Variants in SEPTIN10 observed in about 807,000 individuals in gnomAD.
The protein encoded by SEPTIN10 is septin-10.
A neutral mutation model predicts 54.8 loss-of-function variants in SEPTIN10; 66 were observed. That is an observed-to-expected ratio of 1.21 (90% CI 0.99 to 1.48). SEPTIN10 has a LOEUF of 1.48. Ranked by LOEUF, SEPTIN10 falls within the 40% of genes most tolerant of loss-of-function variation. The pLI, the probability that SEPTIN10 is intolerant of heterozygous loss-of-function variation, is 0.00. For synonymous variants in SEPTIN10, 161 were observed against 181.0 expected (o/e 0.89, Z 0.89); for missense variants, 620 against 545.6 (o/e 1.14, Z -1.36).
At chr2:109,578,588 G>A (rs960770377) in intron 4 of SEPTIN10, among the ~76,000 whole-genome samples, 16 of 152,152 alleles carry the variant, frequency 1.1e-4, no homozygotes, top group African/African-American at 3.1e-4. Flanking sequence ...CCAACAGGGC[G>A]AAACCCCATC....
intron 8 of SEPTIN10, among the ~76,000 whole-genome samples, chr2:109,561,894 C>T (rs1399563506): frequency 6.6e-6 from 1 of 152,094 alleles, no homozygotes; most frequent in Non-Finnish European, 1.5e-5. Flanking sequence ...TCACTGTAAT[C>T]CCATCACTTC....
chr2:109,545,512 G>A (rs1680961695), intron 10 of SEPTIN10: 2 of 1,536,024 alleles, frequency 1.3e-6, no homozygotes, highest in Non-Finnish European at 1.7e-6. Flanking sequence ...TGACATCAAT[G>A]CACAGGAGTT....
Position 109,603,292 on chromosome 2 carries a change from TG to T in SEPTIN10, c.31-10174del, listed in dbSNP as rs1391961794. On this transcript the variant is annotated intron_variant, in intron 1 of 10. Coordinates refer to ENST00000397712, the MANE Select transcript of SEPTIN10 (RefSeq NM_144710.5). ...CTGTGTCACCCAGGCTGGAGTGCAG[TG>T]GCGCAATCTCGGCTCACTGCAAGCC... 5.3e-5 allele frequency among the ~76,000 whole-genome samples: 8 copies of T among 152,148 alleles called. No homozygotes were observed. The East Asian group carries it at 1.5e-3, about 29-fold the overall frequency.
intron 1 of SEPTIN10, among the ~76,000 whole-genome samples, chr2:109,604,044 C>T (rs1697295452): frequency 6.6e-6 from 1 of 151,496 alleles, no homozygotes. Context: ...TGCCTGTAGT[C>T]CCAGCTACTC....
At chr2:109,581,182 G>A (rs1691026028) in intron 4 of SEPTIN10, among the ~76,000 whole-genome samples, 1 of 152,202 alleles carries the variant, frequency 6.6e-6, no homozygotes, top group Non-Finnish European at 1.5e-5. Flanking sequence ...GCTCACGCCT[G>A]TAATCCCAGC....
intron 8 of SEPTIN10, among the ~76,000 whole-genome samples, chr2:109,557,171 A>T (rs1045475030): frequency 4.6e-5 from 7 of 151,616 alleles, no homozygotes; most frequent in Admixed American, 3.3e-4. Context: ...AAAGTATAAT[A>T]AAAAAAAATT....
chr2:109,561,926 C>A (rs1216675042), intron 8 of SEPTIN10, among the ~76,000 whole-genome samples: 1 of 152,144 alleles, frequency 6.6e-6, no homozygotes, highest in African/African-American at 2.4e-5. Flanking sequence ...GCAGGCAGAT[C>A]ACTTTGTATT....
chr2:109,611,303 G>A (rs1558923623), intron 1 of SEPTIN10, among the ~76,000 whole-genome samples: 1 of 152,144 alleles, frequency 6.6e-6, no homozygotes, highest in Non-Finnish European at 1.5e-5. Flanking sequence ...GACACCAAAA[G>A]CACAATCCAT....
chr2:109,545,755 G>A (rs1041059341), intron 10 of SEPTIN10: 1 of 1,426,540 alleles, frequency 7.0e-7, no homozygotes. Flanking sequence ...TTCAATAAGA[G>A]CAGCCATTTT....
Position 109,542,882 on chromosome 2 carries a change from T to C in SEPTIN10, c.*1427A>G, listed in dbSNP as rs1278958755. 6.6e-6 allele frequency: 1 copy of C among 152,512 alleles called. No individual in the cohort carries two copies. Among genetic ancestry groups the C allele is most frequent in the Admixed American group, 6.5e-5 (1 of 15,284 alleles). 9.4% of individuals were successfully genotyped at this position (152,512 alleles called of 1,614,324 possible). ...ACACAGACTAATAAGTTTCATTGTC[T>C]GAAAATACTCATAAAATACCTCATC... On this transcript the variant is annotated 3_prime_UTR_variant, in exon 11 of 11. Coordinates refer to ENST00000397712, the MANE Select transcript of SEPTIN10 (RefSeq NM_144710.5).
At chr2:109,581,518 A>G (rs1357507060) in intron 4 of SEPTIN10, among the ~76,000 whole-genome samples, 1 of 150,720 alleles carries the variant, frequency 6.6e-6, no homozygotes, top group Admixed American at 6.8e-5. Flanking sequence ...AGAACTAAAG[A>G]AAGGTCTGGG....
At position 109,585,193 on chromosome 2, in the gene SEPTIN10, T is replaced by A; in HGVS notation, c.346A>T (p.Asn116Tyr). ...KAQTYELQESNVQLKLTIVNT... is the reference protein window; with the variant it reads ...KAQTYELQESYVQLKLTIVNT... ...ACAATGGTCAATTTCAATTGAACAT[T>A]ACTTTCCTGGAGTTCATATGTCTGA... The change falls in exon 4 of 11, where the codon AAT becomes TAT. Residue 116 changes from asparagine to tyrosine, a missense_variant. Asn to Tyr is a moderately radical substitution (Grantham distance 143, BLOSUM62 -2). Coordinates refer to ENST00000397712, the MANE Select transcript of SEPTIN10 (RefSeq NM_144710.5). The A allele has an allele frequency of 1.2e-6, 2 of 1,612,232 alleles. No homozygotes were observed. Among genetic ancestry groups the A allele is most frequent in the Non-Finnish European group, 1.7e-6 (2 of 1,179,036 alleles).
intron 8 of SEPTIN10, among the ~76,000 whole-genome samples, chr2:109,554,587 A>C (rs1338914796): frequency 1.3e-5 from 2 of 152,170 alleles, no homozygotes; most frequent in Non-Finnish European, 2.9e-5. Flanking sequence ...CTTTGGGATG[A>C]AGAACCCAGA....
Position 109,585,184 on chromosome 2 carries a change from A to C in SEPTIN10, c.355T>G (p.Leu119Val). 6.2e-7 allele frequency: 1 copy of C among 1,610,308 alleles called. No homozygotes were observed. The highest frequency in any genetic ancestry group is 8.5e-7 in the Non-Finnish European group (1 of 1,178,402). Residue 119 changes from leucine to valine, a missense_variant, in exon 4 of 11, where the codon TTG becomes GTG. Coordinates refer to ENST00000397712, the MANE Select transcript of SEPTIN10 (RefSeq NM_144710.5). ...ACTGTATTCACAATGGTCAATTTCA[A>C]TTGAACATTACTTTCCTGGAGTTCA... The part of the protein sequence containing the change: ...TYELQESNVQ[L>V]KLTIVNTVGF...
At chr2:109,594,271 TA>T (rs56164461) in intron 1 of SEPTIN10, among the ~76,000 whole-genome samples, 68,894 of 151,158 alleles carry the variant, frequency 0.46, 16,071 homozygotes, top group African/African-American at 0.56. Flanking sequence ...ATGAATGTGG[TA>T]AAAAAAAAAT....
intron 10 of SEPTIN10, 73 bp downstream of exon 10, chr2:109,545,977 C>T (rs1033827880): frequency 2.2e-5 from 33 of 1,504,842 alleles, no homozygotes; most frequent in East Asian, 1.8e-4. Flanking sequence ...AAGTAAGAAG[C>T]GCTAGGAAGA....
In SEPTIN10 at chr2:109,582,275, C is replaced by T. The variant is rs574950191; in HGVS notation, c.413+2851G>A. On this transcript the variant is annotated intron_variant, in intron 4 of 10. Transcript: ENST00000397712. ...GTTGGAAGAATCAATATAGTTAAAA[C>T]GGCCATACTACCCAAAGCAATCTAC... Among the ~76,000 whole-genome samples, 7 of 152,210 alleles carry T rather than the reference C, an allele frequency of 4.6e-5. 1 individual carries two copies. Among genetic ancestry groups the T allele is most frequent in the South Asian group, 2.1e-4 (1 of 4,816 alleles).
intron 9 of SEPTIN10, among the ~76,000 whole-genome samples, chr2:109,550,461 T>C (rs1682638854): frequency 6.6e-6 from 1 of 151,734 alleles, no homozygotes. Flanking sequence ...TATAGGCATG[T>C]TGCCACCATG....
intron 1 of SEPTIN10, among the ~76,000 whole-genome samples, chr2:109,594,491 T>A (rs1694844519): frequency 6.6e-6 from 1 of 152,078 alleles, no homozygotes; most frequent in East Asian, 1.9e-4. Context: ...GAATCTCTCC[T>A]GGAGACTGTT....
Sources: allele counts gnomAD v4.1 joint callset (sites outside exome capture counted in the v4.1 genomes callset), GRCh38; gene constraint gnomAD v4.1.1; transcripts MANE v1.5; gene names NCBI Gene and HGNC (gene_info 2026-07-23, HGNC 2026-07-21).